Variants in ZNF560 observed in about 807,000 individuals in gnomAD.
ZNF560 encodes the protein zinc finger protein 560.
In ZNF560, 54 loss-of-function variants were observed where a neutral mutation model predicts 81.8. The observed-to-expected ratio is 0.66, with a 90% CI of 0.53 to 0.83. The LOEUF (loss-of-function observed/expected upper bound fraction) is 0.83, where lower values mean the gene tolerates loss of function less well. ZNF560 is among the 40% of genes least tolerant of loss of function. The pLI, the probability that ZNF560 is intolerant of heterozygous loss-of-function variation, is 0.00. For synonymous variants in ZNF560, 321 were observed against 317.9 expected (o/e 1.01, Z -0.10); for missense variants, 940 against 932.4 (o/e 1.01, Z -0.11).
At chr19:9,501,382 G>GTGT (rs2073632141), upstream of ZNF560, among the ~76,000 whole-genome samples, 2 of 133,366 alleles carry the variant, frequency 1.5e-5, no homozygotes, top group Non-Finnish European at 3.2e-5. Context: ...TGTGTGTGTG[G>GTGT]AGTGTTGCTC....
chr19:9,505,069 G>A, the ZNF560 span, among the ~76,000 whole-genome samples: 1 of 152,154 alleles, frequency 6.6e-6, no homozygotes, highest in Non-Finnish European at 1.5e-5. Context: ...AGGCGACATA[G>A]TGAGCCTTTG....
the ZNF560 span, among the ~76,000 whole-genome samples, chr19:9,452,232 G>T: frequency 1.3e-5 from 2 of 152,114 alleles, no homozygotes; most frequent in Non-Finnish European, 2.9e-5. Flanking sequence ...TCTCAAACCA[G>T]TCATAATGGC....
rs2073089122 is a variant in ZNF560 at position 9,469,528 on chromosome 19, G to A, written c.529+102C>T. 3 of 1,037,162 alleles carry A rather than the reference G, an allele frequency of 2.9e-6. No homozygotes were observed. The South Asian group carries it at 3.9e-5, about 14-fold the overall frequency. 64.2% of individuals were successfully genotyped at this position (1,037,162 alleles called of 1,614,324 possible). On this transcript the variant is annotated intron_variant, in intron 8 of 9. Coordinates refer to ENST00000301480, the MANE Select transcript of ZNF560 (RefSeq NM_152476.3). ...ATATCCCAAAACATCCAAGTCCAGT[G>A]GACAGCCTTCTGATTCAAAGGGCAT...
chr19:9,485,227 G>C (rs2073366298), intron 2 of ZNF560, among the ~76,000 whole-genome samples: 1 of 152,124 alleles, frequency 6.6e-6, no homozygotes, highest in Non-Finnish European at 1.5e-5. Context: ...GCTACAAAGA[G>C]AAACTTACAG....
At position 9,475,268 on chromosome 19, in the gene ZNF560, T is replaced by C. The variant is rs751108534; in HGVS notation, c.30+16A>G. The C allele has an allele frequency of 8.1e-6, 13 of 1,613,424 alleles. No homozygotes were observed. In the East Asian group the frequency reaches 1.8e-4, roughly 22 times the overall value. ...GCAAGTATGTCATTTTGTGGAAGTATACATTTTCTGCATACCTGATAACAA... is the reference window on the plus strand; with the variant it reads ...GCAAGTATGTCATTTTGTGGAAGTACACATTTTCTGCATACCTGATAACAA... On this transcript the variant is annotated intron_variant, in intron 3 of 9. Coordinates refer to ENST00000301480, the MANE Select transcript of ZNF560 (RefSeq NM_152476.3).
chr19:9,449,907 T>C, the ZNF560 span, among the ~76,000 whole-genome samples: 1 of 139,118 alleles, frequency 7.2e-6, no homozygotes. Context: ...AGGCGGAGGT[T>C]GCAGTGAGCC....
the ZNF560 span, among the ~76,000 whole-genome samples, chr19:9,458,242 C>T: frequency 6.6e-6 from 1 of 151,448 alleles, no homozygotes; most frequent in Non-Finnish European, 1.5e-5. Context: ...TGTGGGTATT[C>T]TCAATAACCA....
At chr19:9,469,554 C>G in intron 8 of ZNF560, 76 bp downstream of exon 8, 1 of 1,349,414 alleles carries the variant, frequency 7.4e-7, no homozygotes, top group Non-Finnish European at 1.1e-6. Context: ...CAAAGGGCAT[C>G]TTATAAAACT....
chr19:9,449,509 AG>A, the ZNF560 span, among the ~76,000 whole-genome samples: 3 of 152,226 alleles, frequency 2.0e-5, no homozygotes, highest in Admixed American at 2.0e-4. Context: ...CAGGGTTAAG[AG>A]AAATGTTTAG....
the ZNF560 span, among the ~76,000 whole-genome samples, chr19:9,445,878 A>C: frequency 6.6e-6 from 1 of 152,076 alleles, no homozygotes; most frequent in East Asian, 1.9e-4. Context: ...CTCTACCTGG[A>C]GGCTAGACTA....
the ZNF560 span, among the ~76,000 whole-genome samples, chr19:9,454,229 G>T: frequency 6.6e-6 from 1 of 152,208 alleles, no homozygotes; most frequent in African/African-American, 2.4e-5. Flanking sequence ...TGTTTATCAT[G>T]AGTTTACTGT....
upstream of ZNF560, among the ~76,000 whole-genome samples, chr19:9,503,117 A>T (rs2073644603): frequency 6.6e-6 from 1 of 152,096 alleles, no homozygotes; most frequent in Admixed American, 6.6e-5. Context: ...GCACTTTGCG[A>T]GGCCAAGGTG....
At chr19:9,468,767 G>A (rs1415714594) in intron 9 of ZNF560, among the ~76,000 whole-genome samples, 1 of 130,388 alleles carries the variant, frequency 7.7e-6, no homozygotes, top group East Asian at 2.2e-4. Context: ...ACGCTCTGTT[G>A]CCCAGGCTGT....
At chr19:9,506,459 A>G in the ZNF560 span, among the ~76,000 whole-genome samples, 224 of 149,006 alleles carry the variant, frequency 1.5e-3, 4 homozygotes, top group Non-Finnish European at 4.3e-4. Context: ...TTGTATGCCT[A>G]AAACATACAC....
At chr19:9,446,298 G>C in the ZNF560 span, among the ~76,000 whole-genome samples, 1 of 151,776 alleles carries the variant, frequency 6.6e-6, no homozygotes, top group African/African-American at 2.4e-5. Flanking sequence ...GGGACATTCA[G>C]TGGGACAGAC....
At chr19:9,451,844 TAAG>T in the ZNF560 span, among the ~76,000 whole-genome samples, 3 of 151,952 alleles carry the variant, frequency 2.0e-5, no homozygotes, top group African/African-American at 7.3e-5. Flanking sequence ...GGAGGTCAAG[TAAG>T]GAGGATAACT....
intron 3 of ZNF560, among the ~76,000 whole-genome samples, chr19:9,474,651 G>A (rs921362991): frequency 2.0e-5 from 3 of 151,862 alleles, no homozygotes; most frequent in Non-Finnish European, 2.9e-5. Context: ...GATAAACAGC[G>A]ATGAATGATT....
chr19:9,503,961 C>T, the ZNF560 span, among the ~76,000 whole-genome samples: 4 of 152,108 alleles, frequency 2.6e-5, no homozygotes, highest in Non-Finnish European at 5.9e-5. Context: ...ACCTCAAGTA[C>T]TTATTATATT....
chr19:9,489,030 G>T (rs10410663), intron 2 of ZNF560, among the ~76,000 whole-genome samples: 22,904 of 152,188 alleles, frequency 0.15, 2,584 homozygotes, highest in African/African-American at 0.31. Flanking sequence ...CCTCCCCAGA[G>T]GCAGAAGTCA....
Sources: gnomAD v4.1 joint callset for allele counts (sites outside exome capture counted in the v4.1 genomes callset) on GRCh38, gnomAD v4.1.1 for gene constraint, MANE v1.5 for transcripts, NCBI Gene and HGNC (gene_info 2026-07-23, HGNC 2026-07-21) for gene names.